The following GAB2 variants were observed in gnomAD, a reference collection of about 807,000 sequenced individuals.
GAB2 encodes the protein GRB2-associated-binding protein 2.
In GAB2, 26 loss-of-function variants were observed where a neutral mutation model predicts 65.5. The ratio of observed to expected loss-of-function variants is 0.40; its 90% CI spans 0.29 to 0.55. GAB2 has a LOEUF of 0.55. Ranked by LOEUF, GAB2 falls within the 20% of genes least tolerant of loss-of-function variation. GAB2 has a pLI of 0.53. For missense variants in GAB2, 884 were observed against 875.8 expected (o/e 1.01, Z -0.12); for synonymous variants, 321 against 329.6 (o/e 0.97, Z 0.28).
At chr11:78,220,516 TG>T in intron 8 of GAB2, 72 bp from the exon 9 acceptor site, 1 of 1,357,770 alleles carries the variant, frequency 7.4e-7, no homozygotes, top group Non-Finnish European at 1.0e-6. Context: ...AAAACACCTC[TG>T]GGAGTAAGAA....
chr11:78,407,738 GAAAGAAAGAA>G (rs1239042115), intron 1 of GAB2, among the ~76,000 whole-genome samples: 1 of 147,108 alleles, frequency 6.8e-6, no homozygotes, highest in African/African-American at 2.5e-5. Context: ...AAGAAAGAAA[GAAAGAAAGAA>G]AAAGAAAGAA....
At chr11:78,221,625 G>T in intron 8 of GAB2, 52 bp downstream of exon 8, 1 of 1,089,776 alleles carries the variant, frequency 9.2e-7, no homozygotes, top group Non-Finnish European at 1.4e-6. Flanking sequence ...ACTGAGGGGT[G>T]GGTCCCAGGG....
intron 1 of GAB2, among the ~76,000 whole-genome samples, chr11:78,331,399 C>A (rs1375538855): frequency 1.3e-5 from 2 of 151,740 alleles, no homozygotes; most frequent in Non-Finnish European, 2.9e-5. Context: ...TTATGCACCA[C>A]CACACCCAGC....
chr11:78,277,126 G>A (rs934753108), intron 2 of GAB2, among the ~76,000 whole-genome samples: 2 of 152,080 alleles, frequency 1.3e-5, no homozygotes, highest in African/African-American at 4.8e-5. Flanking sequence ...CTAAATATGT[G>A]ATTAAGAAAG....
intron 1 of GAB2, chr11:78,341,703 A>C: frequency 1.1e-6 from 1 of 951,928 alleles, no homozygotes; most frequent in Non-Finnish European, 1.3e-6. Flanking sequence ...CTAAAGAACA[A>C]ATATTCAGAA....
rs1864200274 is a variant in GAB2, at chr11:78,217,365, C to CTAAACTAATGCTAGGAGGAGA, written c.*1886_*1906dup. On this transcript the variant is annotated 3_prime_UTR_variant, in exon 10 of 10. Coordinates refer to ENST00000361507, the MANE Select transcript of GAB2 (RefSeq NM_080491.3). Reference sequence around the variant, plus strand: ...ATTAATAAATACTCCTTGAGTTGATCTAAACTAATGCTAGGAGGAGAGGTG... The same window carrying CTAAACTAATGCTAGGAGGAGA: ...ATTAATAAATACTCCTTGAGTTGATCTAAACTAATGCTAGGAGGAGATAAACTAATGCTAGGAGGAGAGGTG... 6.6e-6 allele frequency: 1 copy of CTAAACTAATGCTAGGAGGAGA among 152,186 alleles called. No individual in the cohort carries two copies. The highest frequency in any genetic ancestry group is 2.4e-5 in the African/African-American group (1 of 41,440). 9.4% of individuals were successfully genotyped at this position (152,186 alleles called of 1,614,324 possible). A position where few individuals can be genotyped will look rare whatever the true frequency, so the allele number is the denominator to read the frequency against.
At chr11:78,252,579 G>T (rs1472317936) in intron 2 of GAB2, among the ~76,000 whole-genome samples, 1 of 152,110 alleles carries the variant, frequency 6.6e-6, no homozygotes, top group Non-Finnish European at 1.5e-5. Context: ...CTTCAGTGGA[G>T]GCATTCCTCA....
intron 1 of GAB2, among the ~76,000 whole-genome samples, chr11:78,404,136 T>C (rs1857009447): frequency 6.6e-6 from 1 of 152,186 alleles, no homozygotes; most frequent in Non-Finnish European, 1.5e-5. Context: ...AATCAATGTA[T>C]TGAAGAGATA....
intron 2 of GAB2, among the ~76,000 whole-genome samples, chr11:78,260,407 C>T (rs1010688172): frequency 3.9e-5 from 6 of 152,060 alleles, no homozygotes; most frequent in African/African-American, 1.4e-4. Flanking sequence ...TTCTTTGGCT[C>T]GAGGCATCTC....
chr11:78,221,682 G>A lies in GAB2; in HGVS notation c.1756C>T (p.Pro586Ser), dbSNP rs1288889651. 6.2e-7 allele frequency: 1 copy of A among 1,606,864 alleles called. No individual in the cohort carries two copies. Residue 586 changes from proline to serine, a missense_variant, in exon 8 of 10, where the codon CCT becomes TCT. Coordinates refer to ENST00000361507, the MANE Select transcript of GAB2 (RefSeq NM_080491.3). The part of the protein sequence containing the change: ...DSGDSEENYV[P>S]MQNPVSASPV... ...GCGAAGCCCGAAGGACTCACCATAG[G>A]GACATAGTTCTCTTCGCTGTCTCCT...
intron 2 of GAB2, among the ~76,000 whole-genome samples, chr11:78,278,574 C>G (rs1866241574): frequency 7.3e-6 from 1 of 136,170 alleles, no homozygotes; most frequent in South Asian, 2.4e-4. Flanking sequence ...GACGGGTTTT[C>G]ACCATTATTG....
chr11:78,354,205 C>A (rs959594458), intron 1 of GAB2, among the ~76,000 whole-genome samples: 6 of 152,146 alleles, frequency 3.9e-5, no homozygotes, highest in Non-Finnish European at 5.9e-5. Context: ...TTCCAGAGAC[C>A]ATGATTACCT....
intron 2 of GAB2, among the ~76,000 whole-genome samples, chr11:78,252,301 C>T (rs1865477650): frequency 6.6e-6 from 1 of 152,214 alleles, no homozygotes; most frequent in South Asian, 2.1e-4. Flanking sequence ...GCTGTATTGA[C>T]CCCCAAAATT....
Position 78,219,049 on chromosome 11 carries a change from A to T in GAB2, c.*223T>A, listed in dbSNP as rs1864285725. ...GTGGGTGGAGGCATGGCCATTACTG[A>T]TAAAAATCACAGCTGGGCCCCGAGT... On this transcript the variant is annotated 3_prime_UTR_variant, in exon 10 of 10. Coordinates refer to ENST00000361507, the MANE Select transcript of GAB2 (RefSeq NM_080491.3). 1.9e-6 allele frequency: 1 copy of T among 540,042 alleles called. No individual in the cohort carries two copies. The highest frequency in any genetic ancestry group is 3.3e-6 in the Non-Finnish European group (1 of 304,528). The allele number at this position is 540,042 out of a possible 1,614,324, so 33.5% of individuals were successfully genotyped here. A position where few individuals can be genotyped will look rare whatever the true frequency, so the allele number is the denominator to read the frequency against.
intron 1 of GAB2, among the ~76,000 whole-genome samples, chr11:78,300,516 T>TAAA (rs138790128): frequency 1.4e-5 from 2 of 142,876 alleles, no homozygotes; most frequent in East Asian, 2.2e-4. Flanking sequence ...TTTAATTTTA[T>TAAA]AAAAAAACAA....
intron 1 of GAB2, among the ~76,000 whole-genome samples, chr11:78,396,857 A>C (rs1009177653): frequency 6.6e-6 from 1 of 152,216 alleles, no homozygotes; most frequent in African/African-American, 2.4e-5. Flanking sequence ...TCAGCCTCCC[A>C]AAGTGCTGAG....
intron 1 of GAB2, among the ~76,000 whole-genome samples, chr11:78,318,749 C>G (rs1039813112): frequency 2.6e-5 from 4 of 152,276 alleles, no homozygotes; most frequent in Admixed American, 2.6e-4. Context: ...CCAGGGCAAT[C>G]ACTTAAAGGG....
intron 1 of GAB2, among the ~76,000 whole-genome samples, chr11:78,313,303 C>A (rs1855538393): frequency 6.6e-6 from 1 of 152,064 alleles, no homozygotes; most frequent in Non-Finnish European, 1.5e-5. Flanking sequence ...GAATCCGAAT[C>A]CTAGACTGTT....
intron 1 of GAB2, among the ~76,000 whole-genome samples, chr11:78,376,752 A>G (rs1856636085): frequency 6.6e-6 from 1 of 152,084 alleles, no homozygotes; most frequent in African/African-American, 2.4e-5. Context: ...TGACTAGGGA[A>G]GTGTCTTAAT....
Sources: gnomAD v4.1 joint callset for allele counts (sites outside exome capture counted in the v4.1 genomes callset) on GRCh38, gnomAD v4.1.1 for gene constraint, MANE v1.5 for transcripts, NCBI Gene and HGNC (gene_info 2026-07-23, HGNC 2026-07-21) for gene names.